Variants in MICAL3 observed in about 807,000 individuals in gnomAD.
MICAL3 encodes [F-actin]-monooxygenase MICAL3.
MICAL3 carries 62 observed loss-of-function variants against 207.4 expected under a neutral mutation model. The ratio of observed to expected loss-of-function variants is 0.30; its 90% CI spans 0.24 to 0.37. MICAL3 has a LOEUF of 0.37. MICAL3 is among the 10% of genes least tolerant of loss of function. The pLI, the probability that MICAL3 is intolerant of heterozygous loss-of-function variation, is 1.00. For synonymous variants in MICAL3, 1,077 were observed against 1,069.3 expected, an observed-to-expected ratio of 1.01 and a Z score of -0.14; for missense variants, 2,368 against 2,635.6, an observed-to-expected ratio of 0.90 and a Z score of 2.22.
At chr22:17,857,544 A>C (rs1294552043) in intron 19 of MICAL3, among the ~76,000 whole-genome samples, 2 of 152,240 alleles carry the variant, frequency 1.3e-5, no homozygotes, top group African/African-American at 4.8e-5. Context: ...AGAACACAGA[A>C]TAAGGAAATC....
intron 29 of MICAL3, among the ~76,000 whole-genome samples, chr22:17,808,071 TC>T (rs1215796090): frequency 6.6e-6 from 1 of 152,244 alleles, no homozygotes; most frequent in African/African-American, 2.4e-5. Context: ...CAATAGGACT[TC>T]CTGGGCCGTG....
At chr22:17,848,724 TAGG>T (rs933913189) in intron 19 of MICAL3, among the ~76,000 whole-genome samples, 2 of 152,232 alleles carry the variant, frequency 1.3e-5, no homozygotes, top group South Asian at 2.1e-4. Context: ...AGCCTATTTT[TAGG>T]AGAAGTCACC....
At chr22:17,877,464 A>ATTATGGAGGTGAGGGAGG (rs1928884329) in intron 16 of MICAL3, among the ~76,000 whole-genome samples, 16 of 27,110 alleles carry the variant, frequency 5.9e-4, no homozygotes, top group Middle Eastern at 0.021. Flanking sequence ...GGTTAGGGAG[A>ATTATGGAGGTGAGGGAGG]TTATGGAGGT....
At chr22:17,832,238 GGGA>G in intron 20 of MICAL3, 131 bp from the exon 21 acceptor site, 1 of 1,209,014 alleles carries the variant, frequency 8.3e-7, no homozygotes, top group Non-Finnish European at 1.1e-6. Context: ...AGAGACAGGA[GGGA>G]GGAGAGAGCG....
At chr22:17,817,015 T>C (rs1406691902) in intron 26 of MICAL3, among the ~76,000 whole-genome samples, 1 of 127,844 alleles carries the variant, frequency 7.8e-6, no homozygotes, top group Non-Finnish European at 1.7e-5. Flanking sequence ...CAGCCCCTCC[T>C]GGTAGCACTG....
chr22:17,898,201 G>A (rs1045758203), intron 7 of MICAL3, among the ~76,000 whole-genome samples: 98 of 152,032 alleles, frequency 6.4e-4, no homozygotes, highest in African/African-American at 2.3e-3. Context: ...AGTTCTGCCT[G>A]CGTGGCAGAT....
chr22:17,992,922 GT>G (rs1247292525), intron 1 of MICAL3, among the ~76,000 whole-genome samples: 1 of 152,182 alleles, frequency 6.6e-6, no homozygotes, highest in Non-Finnish European at 1.5e-5. Flanking sequence ...TAGAAATGAT[GT>G]GTGCGCAGTC....
chr22:17,995,744 G>A (rs1373756975), intron 1 of MICAL3, among the ~76,000 whole-genome samples: 1 of 151,826 alleles, frequency 6.6e-6, no homozygotes, highest in African/African-American at 2.4e-5. Context: ...CCTCACCTCA[G>A]GTGATCTGCC....
In MICAL3 at chr22:17,845,005, T is replaced by C. The variant is rs555362436; in HGVS notation, c.2606-2988A>G. Among the ~76,000 whole-genome samples the C allele has an allele frequency of 5.9e-5, 9 of 152,304 alleles. No homozygotes were observed. In the East Asian group the frequency reaches 7.7e-4, roughly 13 times the overall value. On this transcript the variant is annotated intron_variant, in intron 19 of 31. Coordinates refer to ENST00000441493, the MANE Select transcript of MICAL3 (RefSeq NM_015241.3). ...AAAATCCATGGCGGCCACCCCATAA[T>C]GAACAGGGGAGGGCTGAGGATACAC...
At chr22:17,869,300 G>T (rs1425701629) in intron 17 of MICAL3, among the ~76,000 whole-genome samples, 2 of 152,114 alleles carry the variant, frequency 1.3e-5, no homozygotes, top group Non-Finnish European at 2.9e-5. Context: ...GTTGCTCTGT[G>T]GAAACAGACT....
intron 1 of MICAL3, among the ~76,000 whole-genome samples, chr22:17,991,435 A>G (rs1921672716): frequency 6.6e-6 from 1 of 152,264 alleles, no homozygotes; most frequent in Admixed American, 6.5e-5. Flanking sequence ...GTCAAGACGT[A>G]CAGATACACA....
At chr22:17,832,420 C>T (rs1922899947) in intron 20 of MICAL3, among the ~76,000 whole-genome samples, 1 of 152,182 alleles carries the variant, frequency 6.6e-6, no homozygotes, top group Non-Finnish European at 1.5e-5. Context: ...CCAGCCTCTG[C>T]CTGTGGAGGG....
intron 27 of MICAL3, among the ~76,000 whole-genome samples, chr22:17,816,318 C>T (rs867661328): frequency 7.2e-5 from 11 of 152,244 alleles, no homozygotes; most frequent in Non-Finnish European, 1.3e-4. Context: ...CCGCCAGCAG[C>T]CCTGGACTGC....
At chr22:17,996,406 T>C (rs1922282928) in intron 1 of MICAL3, among the ~76,000 whole-genome samples, 1 of 149,918 alleles carries the variant, frequency 6.7e-6, no homozygotes, top group Admixed American at 6.7e-5. Context: ...GTCGTGCCAC[T>C]GCACTCCAGC....
rs1921129752 is a variant in MICAL3 at position 17,817,459 on chromosome 22, G to C, written c.5202C>G (p.Ala1734=). The change falls in exon 26 of 32, where the codon GCC becomes GCG. Residue 1734 remains alanine, a synonymous_variant. Transcript: ENST00000441493. The part of the protein sequence containing the change: ...PSSNLLEEAA[A]KPKSLWKSVF... The stretch of plus-strand genomic sequence containing the variant: ...CGGACTTCCACAGGGACTTGGGTTT[G>C]GCGGCGGCTTCTTCTAGGAGGTTGG... 1 of 1,613,640 alleles carries C rather than the reference G, an allele frequency of 6.2e-7. No individual in the cohort carries two copies. The highest frequency in any genetic ancestry group is 8.5e-7 in the Non-Finnish European group (1 of 1,179,874).
intron 25 of MICAL3, among the ~76,000 whole-genome samples, chr22:17,819,721 C>T (rs760696262): frequency 2.0e-4 from 30 of 151,966 alleles, no homozygotes; most frequent in Admixed American, 4.6e-4. Flanking sequence ...GGGCAGATCA[C>T]GAGGTCAGGA....
intron 1 of MICAL3, among the ~76,000 whole-genome samples, chr22:17,973,158 G>A (rs574379072): frequency 6.6e-6 from 1 of 152,364 alleles, no homozygotes; most frequent in South Asian, 2.1e-4. Context: ...GGGGGGAAAA[G>A]GGAGAAGAGA....
In MICAL3 at chr22:17,933,663, CA is replaced by C. The variant is rs1207125076; in HGVS notation, c.-74-26778del. Among the ~76,000 whole-genome samples the C allele has an allele frequency of 3.3e-5, 5 of 152,010 alleles. No individual in the cohort carries two copies. The East Asian group carries it at 9.6e-4, about 29-fold the overall frequency. On this transcript the variant is annotated intron_variant, in intron 1 of 31. Transcript: ENST00000441493. ...AGATTACAGACACAAAGAAACCCTTCAAAAAAATCAATGAATCCAAGAACTG... is the reference window on the plus strand; with the variant it reads ...AGATTACAGACACAAAGAAACCCTTCAAAAAATCAATGAATCCAAGAACTG...
chr22:17,799,040 A>G (rs540428860), intron 29 of MICAL3, among the ~76,000 whole-genome samples: 2 of 152,272 alleles, frequency 1.3e-5, no homozygotes, highest in South Asian at 4.1e-4. Flanking sequence ...TTTCCTGGGA[A>G]ACACAAGGGG....
Sources: gnomAD v4.1 joint callset for allele counts (sites outside exome capture counted in the v4.1 genomes callset) on GRCh38, gnomAD v4.1.1 for gene constraint, MANE v1.5 for transcripts, NCBI Gene and HGNC (gene_info 2026-07-23, HGNC 2026-07-21) for gene names.